Variants in CNGB1 observed in about 807,000 individuals in gnomAD.
The protein encoded by CNGB1 is cyclic nucleotide gated channel subunit beta 1, also known as cyclic nucleotide-gated channel beta-1.
In CNGB1, 126 loss-of-function variants were observed where a neutral mutation model predicts 151.7. That is an observed-to-expected ratio of 0.83 (90% CI 0.72 to 0.96). CNGB1 has a LOEUF of 0.96. Ranked by LOEUF, CNGB1 falls within the 40% of genes least tolerant of loss-of-function variation. The pLI is 0.00. For missense variants in CNGB1, 1,698 were observed against 1,627.0 expected, an observed-to-expected ratio of 1.04 and a Z score of -0.75; for synonymous variants, 623 against 635.1, an observed-to-expected ratio of 0.98 and a Z score of 0.29.
intron 14 of CNGB1, among the ~76,000 whole-genome samples, chr16:57,941,396 G>T (rs1408700248): frequency 6.6e-6 from 1 of 152,214 alleles, no homozygotes; most frequent in Non-Finnish European, 1.5e-5. Context: ...CCTGAGCAAG[G>T]ACGGTGGGGC....
At chr16:57,911,210 T>C (rs1025422435) in intron 25 of CNGB1, among the ~76,000 whole-genome samples, 1 of 152,240 alleles carries the variant, frequency 6.6e-6, no homozygotes, top group South Asian at 2.1e-4. Context: ...GCAAGTCTTG[T>C]TCACACCAGT....
At chr16:57,915,204 C>T (rs1960830356) in intron 23 of CNGB1, 45 bp downstream of exon 23, 1 of 1,497,584 alleles carries the variant, frequency 6.7e-7, no homozygotes, top group Non-Finnish European at 9.3e-7. Flanking sequence ...CGGTGCAGAG[C>T]AGGGATGAGC....
chr16:57,934,534 A>G (rs888672595), intron 16 of CNGB1, among the ~76,000 whole-genome samples: 7 of 152,258 alleles, frequency 4.6e-5, no homozygotes, highest in Admixed American at 4.6e-4. Context: ...ACTCTAGCAC[A>G]GCTAGATCAG....
chr16:57,934,678 C>T (rs1326606670), intron 16 of CNGB1, among the ~76,000 whole-genome samples: 12 of 151,736 alleles, frequency 7.9e-5, no homozygotes, highest in African/African-American at 2.9e-4. Context: ...TACTCCTGGT[C>T]GGGCGCAGCA....
intron 31 of CNGB1, among the ~76,000 whole-genome samples, chr16:57,888,467 GTCTC>G (rs72091541): frequency 6.8e-5 from 10 of 147,506 alleles, no homozygotes; most frequent in Admixed American, 5.4e-4. Flanking sequence ...CTCTGTCTCT[GTCTC>G]TCTCTCTCTC....
intron 31 of CNGB1, among the ~76,000 whole-genome samples, chr16:57,888,584 T>C (rs373699679): frequency 6.6e-6 from 1 of 152,100 alleles, no homozygotes; most frequent in East Asian, 1.9e-4. Flanking sequence ...TCCTCCCACC[T>C]GAGTAGCTGG....
intron 14 of CNGB1, among the ~76,000 whole-genome samples, chr16:57,941,399 G>A (rs1305724090): frequency 3.3e-5 from 5 of 152,314 alleles, no homozygotes; most frequent in East Asian, 1.9e-4. Context: ...GAGCAAGGAC[G>A]GTGGGGCAGG....
At chr16:57,964,444 GC>G in intron 3 of CNGB1, 42 bp downstream of exon 3, 8 of 1,608,694 alleles carry the variant, frequency 5.0e-6, no homozygotes, top group East Asian at 2.2e-5. Context: ...GAGAATGCGG[GC>G]CCCCCTGCCA....
intron 31 of CNGB1, among the ~76,000 whole-genome samples, chr16:57,889,156 A>T: frequency 6.6e-6 from 1 of 151,972 alleles, no homozygotes; most frequent in East Asian, 1.9e-4. Flanking sequence ...GACTTTATTT[A>T]TTTTTTATTT....
chr16:57,903,931 G>C lies in CNGB1; in HGVS notation c.2685C>G (p.Ser895Arg), dbSNP rs1169341282. 1 of 1,614,120 alleles carries C rather than the reference G, an allele frequency of 6.2e-7. No individual in the cohort carries two copies. ...AATAGQTYYR[S>R]CMDSTVKYMN... is the part of the protein sequence containing the mutation. The stretch of plus-strand genomic sequence containing the variant: ...TGTACTTCACCGTGCTGTCCATGCA[G>C]CTGCGGTAGTAGGTCTGTCCGGCGG... Residue 895 changes from serine (S) to arginine (R), a missense_variant, in exon 27 of 33, where the codon AGC becomes AGG. Physicochemically the swap from Ser to Arg is moderately radical, Grantham distance 110. Coordinates refer to ENST00000251102, the MANE Select transcript of CNGB1 (RefSeq NM_001297.5).
chr16:57,957,566 G>C (rs1439498730), intron 11 of CNGB1, among the ~76,000 whole-genome samples, 189 bp from the exon 12 acceptor site: 1 of 152,208 alleles, frequency 6.6e-6, no homozygotes, highest in Non-Finnish European at 1.5e-5. Context: ...AGGGGGCTTT[G>C]AGAGCTCGAG....
At position 57,904,927 on chromosome 16, in the gene CNGB1, G is replaced by GC. The variant is rs1555488684; in HGVS notation, c.2493-53dup. On this transcript the variant is annotated intron_variant, in intron 25 of 32. Coordinates refer to ENST00000251102, the MANE Select transcript of CNGB1 (RefSeq NM_001297.5). ...GGGTCATCACAGGCCCCACTCTGCCGCCCCGAGCAGTCTGGCTCAGACGCC... is the reference window on the plus strand; with the variant it reads ...GGGTCATCACAGGCCCCACTCTGCCGCCCCCGAGCAGTCTGGCTCAGACGCC... The GC allele has an allele frequency of 4.1e-5, 66 of 1,610,728 alleles. No homozygotes were observed. In the South Asian group the frequency reaches 5.9e-4, roughly 14 times the overall value.
At chr16:57,904,098 G>T (rs1179695858) in intron 26 of CNGB1, 117 bp from the exon 27 acceptor site, 3 of 861,734 alleles carry the variant, frequency 3.5e-6, no homozygotes, top group Non-Finnish European at 5.7e-6. Context: ...TCCTGGCAGG[G>T]CGTTGGGAGG....
chr16:57,962,912 A>G (rs914645969), intron 5 of CNGB1, 40 bp from the exon 6 acceptor site: 1 of 1,612,244 alleles, frequency 6.2e-7, no homozygotes. Context: ...AGGGAGCCCA[A>G]GGGCAGCCTC....
Position 57,911,842 on chromosome 16 carries a change from G to C in CNGB1, c.2403C>G (p.Ser801Arg). 3 of 1,614,008 alleles carry C rather than the reference G, an allele frequency of 1.9e-6. No individual in the cohort carries two copies. Among genetic ancestry groups the C allele is most frequent in the Non-Finnish European group, 2.5e-6 (3 of 1,179,900 alleles). The change falls in exon 25 of 33, where the codon AGC becomes AGG. Residue 801 changes from serine (S) to arginine (R), a missense_variant. Physicochemically the swap from Ser to Arg is moderately radical, Grantham distance 110. Coordinates refer to ENST00000251102, the MANE Select transcript of CNGB1 (RefSeq NM_001297.5). ...VIRTTAYLLY[S>R]LHLNSCLYYW... The stretch of plus-strand genomic sequence containing the variant: ...AATAAAGACAGGAATTCAAATGCAG[G>C]CTGTAGAGAAGGTAGGCTGTGGTCC...
At chr16:57,927,622 G>C (rs896388624) in intron 17 of CNGB1, among the ~76,000 whole-genome samples, 1 of 152,230 alleles carries the variant, frequency 6.6e-6, no homozygotes, top group Non-Finnish European at 1.5e-5. Context: ...TTCAGTACAT[G>C]CTTGCGAATG....
At position 57,939,564 on chromosome 16, in the gene CNGB1, G is replaced by A; in HGVS notation, c.1238C>T (p.Ala413Val). Residue 413 changes from alanine (A) to valine (V), a missense_variant, in exon 16 of 33, where the codon GCC (alanine) becomes GTC (valine). By Grantham distance (64) the Ala-to-Val change is moderately conservative. Transcript: ENST00000251102. ...GGCCTTCTCTTCAGCCTCCTTCTTG[G>A]CCTCCTCCCCAACTTCCTCCCACAG... ...QKLWEEVGEE[A>V]KKEAEEKAKE... 1.9e-6 allele frequency: 3 copies of A among 1,614,046 alleles called. No individual in the cohort carries two copies. The highest frequency in any genetic ancestry group is 2.5e-6 in the Non-Finnish European group (3 of 1,180,002).
At chr16:57,939,303 G>A in intron 16 of CNGB1, 127 bp downstream of exon 16, 1 of 1,330,058 alleles carries the variant, frequency 7.5e-7, no homozygotes, top group Non-Finnish European at 1.1e-6. Flanking sequence ...CAGGGTGGCT[G>A]AGGGGGCAAT....
At chr16:57,962,527 C>G in intron 7 of CNGB1, 38 bp downstream of exon 7, 1 of 1,597,090 alleles carries the variant, frequency 6.3e-7, no homozygotes, top group Non-Finnish European at 8.6e-7. Flanking sequence ...CCCACCCACA[C>G]ATACAGACAA....
Sources: allele counts gnomAD v4.1 joint callset (sites outside exome capture counted in the v4.1 genomes callset), GRCh38; gene constraint gnomAD v4.1.1; transcripts MANE v1.5; gene names NCBI Gene and HGNC (gene_info 2026-07-23, HGNC 2026-07-21).